The following VIRMA variants were observed in gnomAD, a reference collection of about 807,000 sequenced individuals.
VIRMA encodes protein virilizer homolog.
VIRMA carries 65 observed loss-of-function variants against 182.4 expected under a neutral mutation model. The observed-to-expected ratio is 0.36, with a 90% confidence interval of 0.29 to 0.44. VIRMA has a LOEUF of 0.44. Ranked by LOEUF, VIRMA falls within the 20% of genes least tolerant of loss-of-function variation. The probability of loss-of-function intolerance (pLI) is 1.00; values close to 1 mark genes in which losing one functional copy is unlikely to be tolerated. For missense variants in VIRMA, 1,752 were observed against 2,158.1 expected (o/e 0.81, Z 3.73); for synonymous variants, 709 against 743.1 (o/e 0.95, Z 0.75).
intron 17 of VIRMA, chr8:94,498,709 C>A (rs1214725511): frequency 2.0e-5 from 3 of 152,286 alleles, no homozygotes; most frequent in Admixed American, 2.0e-4. Context: ...TGGGCTCAAG[C>A]GATCCTACCA....
At chr8:94,547,674 A>T (rs1815818872) in intron 1 of VIRMA, among the ~76,000 whole-genome samples, 1 of 151,050 alleles carries the variant, frequency 6.6e-6, no homozygotes, top group Non-Finnish European at 1.5e-5. Flanking sequence ...TTAAAAAAAT[A>T]ACTAAAAATG....
Position 94,488,683 on chromosome 8 carries a change from T to C in VIRMA, c.*23A>G, listed in dbSNP as rs1394078065. 1 of 1,612,964 alleles carries C rather than the reference T, an allele frequency of 6.2e-7. No individual in the cohort carries two copies. The highest frequency in any genetic ancestry group is 1.3e-5 in the African/African-American group (1 of 74,988). On this transcript the variant is annotated 3_prime_UTR_variant, in exon 24 of 24. Coordinates refer to ENST00000297591, the MANE Select transcript of VIRMA (RefSeq NM_015496.5). The stretch of plus-strand genomic sequence containing the variant: ...GTCCTCGTGAAATGTTCATATACAG[T>C]TAAGATGTTCCCAAAAGGATTTTTA...
At chr8:94,536,044 G>A (rs1224263070) in intron 4 of VIRMA, among the ~76,000 whole-genome samples, 6 of 152,150 alleles carry the variant, frequency 3.9e-5, no homozygotes, top group Non-Finnish European at 8.8e-5. Context: ...AGAAACCAAA[G>A]GCCCTGACTT....
chr8:94,550,871 G>A (rs1226742780), intron 1 of VIRMA, among the ~76,000 whole-genome samples: 2 of 151,878 alleles, frequency 1.3e-5, no homozygotes, highest in African/African-American at 2.4e-5. Context: ...GACGCACACC[G>A]CCACGCCCAG....
chr8:94,539,389 T>G (rs914369803), intron 2 of VIRMA, among the ~76,000 whole-genome samples: 1 of 152,236 alleles, frequency 6.6e-6, no homozygotes, highest in African/African-American at 2.4e-5. Context: ...ATAGATTATT[T>G]GGTTAATATC....
At chr8:94,510,707 T>C in intron 13 of VIRMA, 55 bp from the exon 14 acceptor site, 1 of 1,267,526 alleles carries the variant, frequency 7.9e-7, no homozygotes. Context: ...TTATTTATAG[T>C]CACAAAAACT....
In VIRMA at chr8:94,539,776, A is replaced by G. The variant is rs550281606; in HGVS notation, c.180-1430T>C. Among the ~76,000 whole-genome samples, 9 of 152,320 alleles carry G rather than the reference A, an allele frequency of 5.9e-5. No individual in the cohort carries two copies. The South Asian group carries it at 1.9e-3, about 32-fold the overall frequency. On this transcript the variant is annotated intron_variant, in intron 2 of 23. Transcript: ENST00000297591. ...AACAGTGTTGGGAGGCAAGCCTAAT[A>G]AGACATGACTGGATCATGAGGACTC...
At chr8:94,489,096 T>C (rs1813535715) in intron 23 of VIRMA, among the ~76,000 whole-genome samples, 1 of 152,194 alleles carries the variant, frequency 6.6e-6, no homozygotes, top group South Asian at 2.1e-4. Flanking sequence ...AATGTGCATT[T>C]GAAACCAAAA....
At chr8:94,500,300 G>A (rs931929864) in intron 16 of VIRMA, among the ~76,000 whole-genome samples, 1 of 152,212 alleles carries the variant, frequency 6.6e-6, no homozygotes, top group Non-Finnish European at 1.5e-5. Context: ...TGGGGAGGCT[G>A]AGGCAGGAGA....
At position 94,534,771 on chromosome 8, in the gene VIRMA, C is replaced by T. The variant is rs915783038; in HGVS notation, c.484+68G>A. 2.1e-5 allele frequency: 32 copies of T among 1,518,894 alleles called. No individual in the cohort carries two copies. In the South Asian group the frequency reaches 2.7e-4, roughly 13 times the overall value. 94.1% of individuals were successfully genotyped at this position (1,518,894 alleles called of 1,614,324 possible). On this transcript the variant is annotated intron_variant, in intron 5 of 23. Transcript: ENST00000297591. ...AAACAAAAGGTAAAAGAGTGCTCTT[C>T]GAATTATTTTTTTTTTTTAAACCAC...
intron 5 of VIRMA, chr8:94,533,919 G>A (rs554640934): frequency 3.3e-5 from 5 of 151,398 alleles, no homozygotes; most frequent in African/African-American, 1.2e-4. Context: ...TAGACATAGG[G>A]TCTCGCCATG....
intron 11 of VIRMA, among the ~76,000 whole-genome samples, chr8:94,513,425 CAAA>C (rs34173786): frequency 8.7e-5 from 10 of 114,988 alleles, no homozygotes; most frequent in Non-Finnish European, 5.7e-5. Context: ...GAGTCTAGAC[CAAA>C]AAAAAAAAAA....
intron 2 of VIRMA, among the ~76,000 whole-genome samples, chr8:94,540,832 A>G (rs1815524075): frequency 6.6e-6 from 1 of 152,024 alleles, no homozygotes; most frequent in African/African-American, 2.4e-5. Flanking sequence ...GCTAAAATAC[A>G]AACTCTTTCT....
chr8:94,488,993 A>G, intron 23 of VIRMA, 133 bp from the exon 24 acceptor site: 1 of 842,734 alleles, frequency 1.2e-6, no homozygotes, highest in Non-Finnish European at 1.8e-6. Context: ...AAGCACGGTG[A>G]ATGGGCCAAA....
chr8:94,492,047 G>T, intron 21 of VIRMA, 138 bp from the exon 22 acceptor site: 2 of 588,458 alleles, frequency 3.4e-6, no homozygotes, highest in South Asian at 3.1e-5. Context: ...TCATACTTCT[G>T]GGATAATATA....
chr8:94,496,594 T>G lies in VIRMA; in HGVS notation c.4231-114A>C, dbSNP rs1050973236. 8.6e-6 allele frequency: 7 copies of G among 818,666 alleles called. No homozygotes were observed. The South Asian group carries it at 1.7e-4, about 20-fold the overall frequency. 50.7% of individuals were successfully genotyped at this position (818,666 alleles called of 1,614,324 possible). ...TGCAATCTTTCCTTCAATGTTTTCA[T>G]TTTTACATCAGTACAAATGGCTAGT... On this transcript the variant is annotated intron_variant, in intron 17 of 23. Coordinates refer to ENST00000297591, the MANE Select transcript of VIRMA (RefSeq NM_015496.5).
chr8:94,499,907 G>C (rs577069230), intron 16 of VIRMA, among the ~76,000 whole-genome samples: 21 of 151,896 alleles, frequency 1.4e-4, no homozygotes, highest in African/African-American at 2.2e-4. Context: ...AAATTAACGG[G>C]GGGTGGCAGC....
chr8:94,523,974 CTGTGTG>C (rs369708830), intron 8 of VIRMA, among the ~76,000 whole-genome samples: 1 of 147,678 alleles, frequency 6.8e-6, no homozygotes, highest in Non-Finnish European at 1.5e-5. Flanking sequence ...TTGTGTGTGT[CTGTGTG>C]TGTGTGTGTT....
intron 22 of VIRMA, among the ~76,000 whole-genome samples, chr8:94,490,583 C>T (rs1035437927): frequency 6.6e-5 from 10 of 152,162 alleles, no homozygotes; most frequent in African/African-American, 2.4e-4. Context: ...CAGTGGCTCA[C>T]GCCTGTAATC....
Sources: gnomAD v4.1 joint callset for allele counts (sites outside exome capture counted in the v4.1 genomes callset) on GRCh38, gnomAD v4.1.1 for gene constraint, MANE v1.5 for transcripts, NCBI Gene and HGNC (gene_info 2026-07-23, HGNC 2026-07-21) for gene names.